The following OR10W1 variants were observed in gnomAD, a reference collection of about 807,000 sequenced individuals.
OR10W1 encodes olfactory receptor family 10 subfamily W member 1, also known as olfactory receptor 10W1.
For missense variants in OR10W1, 406 were observed against 365.8 expected, an observed-to-expected ratio of 1.11 and a Z score of -0.90; for synonymous variants, 152 against 151.6, an observed-to-expected ratio of 1.00 and a Z score of -0.02.
Position 58,268,211 on chromosome 11 carries a change from C to A in OR10W1, c.-353G>T, listed in dbSNP as rs1853568223. 4.1e-6 allele frequency: 1 copy of A among 241,210 alleles called. No homozygotes were observed. Among genetic ancestry groups the A allele is most frequent in the Non-Finnish European group, 8.8e-6 (1 of 113,452 alleles). 14.9% of individuals were successfully genotyped at this position (241,210 alleles called of 1,614,324 possible). ...AAATTCAATTCTTTCAGCAAATTCA[C>A]AAGAAAGTGTCAAGGAATTCTTGGG... On this transcript the variant is annotated 5_prime_UTR_variant, in exon 1 of 1. Transcript: ENST00000395079.
chr11:58,266,835 C>T lies in OR10W1; in HGVS notation c.*106G>A. ...TAAACAGTATCCATATAATTTATAC[C>T]ATCTTTTAGATGAGTTTTAACACCA... On this transcript the variant is annotated 3_prime_UTR_variant, in exon 1 of 1. Transcript: ENST00000395079. The T allele has an allele frequency of 2.4e-6, 2 of 841,098 alleles. No homozygotes were observed. Among genetic ancestry groups the T allele is most frequent in the South Asian group, 2.1e-5 (1 of 46,766 alleles). 52.1% of individuals were successfully genotyped at this position (841,098 alleles called of 1,614,324 possible).
In OR10W1 at chr11:58,267,454, C is replaced by A; in HGVS notation, c.405G>T (p.Leu135Phe). ...LLMTLTLCVH[L>F]VVASVISGLF... ...GACCACTGATGACTGATGCCACAAC[C>A]AAGTGGACACAAAGAGTCAATGTCA... Residue 135 changes from leucine (L) to phenylalanine (F), a missense_variant, in exon 1 of 1, where the codon TTG (leucine) becomes TTT (phenylalanine). By Grantham distance (22) the Leu-to-Phe change is conservative (BLOSUM62 0). Coordinates refer to ENST00000395079, the MANE Select transcript of OR10W1 (RefSeq NM_207374.3). 1 of 1,613,878 alleles carries A rather than the reference C, an allele frequency of 6.2e-7. No individual in the cohort carries two copies. The highest frequency in any genetic ancestry group is 1.3e-5 in the African/African-American group (1 of 75,052).
In OR10W1 at chr11:58,268,089, G is replaced by C. The variant is rs1162744105; in HGVS notation, c.-231C>G. 1.9e-6 allele frequency: 1 copy of C among 516,128 alleles called. No individual in the cohort carries two copies. Among genetic ancestry groups the C allele is most frequent in the East Asian group, 3.1e-5 (1 of 32,120 alleles). The allele number at this position is 516,128 out of a possible 1,614,324, so 32.0% of individuals were successfully genotyped here. Reference sequence around the variant, plus strand: ...AATATCTACACCTCAATTTCTACCTGCCAAGAGTTGGGCCAAACTATGTAA... The same window carrying C: ...AATATCTACACCTCAATTTCTACCTCCCAAGAGTTGGGCCAAACTATGTAA... On this transcript the variant is annotated 5_prime_UTR_variant, in exon 1 of 1. Coordinates refer to ENST00000395079, the MANE Select transcript of OR10W1 (RefSeq NM_207374.3).
chr11:58,267,921 T>A lies in OR10W1; in HGVS notation c.-63A>T. On this transcript the variant is annotated 5_prime_UTR_variant, in exon 1 of 1. Transcript: ENST00000395079. ...GTATTTCTCTGTGGAGAGCTACAAG[T>A]ACAGAAGGAAGAATCAGACTGAAGA... The A allele has an allele frequency of 8.4e-7, 1 of 1,192,646 alleles. No homozygotes were observed. Among genetic ancestry groups the A allele is most frequent in the Non-Finnish European group, 1.2e-6 (1 of 819,762 alleles). 73.9% of individuals were successfully genotyped at this position (1,192,646 alleles called of 1,614,324 possible).
Position 58,266,920 on chromosome 11 carries a change from T to C in OR10W1, c.*21A>G. ...GGGCTGGAACCAAATACTTGCCTGA[T>C]AGGCTGTCCCCTCGTCTTTCCTAGC... is the stretch of plus-strand genomic sequence containing the variant. On this transcript the variant is annotated 3_prime_UTR_variant, in exon 1 of 1. Transcript: ENST00000395079. The C allele has an allele frequency of 6.6e-7, 1 of 1,512,778 alleles. No homozygotes were observed. The allele number at this position is 1,512,778 out of a possible 1,614,324, so 93.7% of individuals were successfully genotyped here.
At position 58,266,961 on chromosome 11, in the gene OR10W1, A is replaced by C; in HGVS notation, c.898T>G (p.Cys300Gly). 6.4e-7 allele frequency: 1 copy of C among 1,556,348 alleles called. No individual in the cohort carries two copies. The highest frequency in any genetic ancestry group is 8.7e-7 in the Non-Finnish European group (1 of 1,147,830). ...CTTTCCTAGCTGTTCTGGGAAAGGC[A>C]GTTCCTGGTAAGAACTCTCCCTACG... ...GAVGRVLTRNCLSQNS is the reference protein window; with the variant it reads ...GAVGRVLTRNGLSQNS Residue 300 changes from cysteine to glycine, a missense_variant, in exon 1 of 1, where the codon TGC becomes GGC. Transcript: ENST00000395079.
chr11:58,267,574 G>A lies in OR10W1; in HGVS notation c.285C>T (p.Phe95=), dbSNP rs766876330. The change falls in exon 1 of 1, where the codon TTC becomes TTT. Residue 95 remains phenylalanine (F), a synonymous_variant. Coordinates refer to ENST00000395079, the MANE Select transcript of OR10W1 (RefSeq NM_207374.3). ...AGCAATCAGCACTGCCCAGTGCAAT[G>A]AAGAAAGCCATCTGGGTGGCACAGC... ...LLGCATQMAF[F]IALGSADCFL... 3 of 1,614,194 alleles carry A rather than the reference G, an allele frequency of 1.9e-6. No homozygotes were observed. The East Asian group carries it at 6.7e-5, about 36-fold the overall frequency.
At position 58,267,862 on chromosome 11, in the gene OR10W1, C is replaced by T. The variant is rs1853564662; in HGVS notation, c.-4G>A. ...AGGCCAGGAACACAAATTCCATCAA[C>T]ACTGAGTGATTTTCCCAGGTAATTG... On this transcript the variant is annotated 5_prime_UTR_variant, in exon 1 of 1. Coordinates refer to ENST00000395079, the MANE Select transcript of OR10W1 (RefSeq NM_207374.3). 1.2e-6 allele frequency: 2 copies of T among 1,606,568 alleles called. No individual in the cohort carries two copies. Among genetic ancestry groups the T allele is most frequent in the Non-Finnish European group, 8.5e-7 (1 of 1,174,554 alleles).
Position 58,267,890 on chromosome 11 carries a change from C to A in OR10W1, c.-32G>T. On this transcript the variant is annotated 5_prime_UTR_variant, in exon 1 of 1. Transcript: ENST00000395079. ...TGAGTGATTTTCCCAGGTAATTGAG[C>A]TAACAGTATTTCTCTGTGGAGAGCT... 6.6e-7 allele frequency: 1 copy of A among 1,513,060 alleles called. No individual in the cohort carries two copies. Among genetic ancestry groups the A allele is most frequent in the Admixed American group, 1.7e-5 (1 of 59,028 alleles). 93.7% of individuals were successfully genotyped at this position (1,513,060 alleles called of 1,614,324 possible).
chr11:58,267,981 G>A lies in OR10W1; in HGVS notation c.-123C>T, dbSNP rs1853566233. On this transcript the variant is annotated 5_prime_UTR_variant, in exon 1 of 1. Transcript: ENST00000395079. Reference sequence around the variant, plus strand: ...TTACACTCTGAGCCATGAATCTAATGTAATCAGCACTGGAGTTAGAAACTG... The same window carrying A: ...TTACACTCTGAGCCATGAATCTAATATAATCAGCACTGGAGTTAGAAACTG... 1 of 712,988 alleles carries A rather than the reference G, an allele frequency of 1.4e-6. No individual in the cohort carries two copies. Among genetic ancestry groups the A allele is most frequent in the South Asian group, 1.8e-5 (1 of 54,638 alleles). 44.2% of individuals were successfully genotyped at this position (712,988 alleles called of 1,614,324 possible).
rs200494001 is a variant in OR10W1 at position 58,267,844 on chromosome 11, G to A, written c.15C>T (p.Phe5=). 5 of 1,612,826 alleles carry A rather than the reference G, an allele frequency of 3.1e-6. No homozygotes were observed. In the African/African-American group the frequency reaches 5.3e-5, roughly 17 times the overall value. MEFV[F]LAYPSCPELH... ...GTTCTGGGCAGGAGGGATAGGCCAG[G>A]AACACAAATTCCATCAACACTGAGT... Residue 5 remains phenylalanine, a synonymous_variant, in exon 1 of 1, where the codon TTC becomes TTT. Transcript: ENST00000395079.
In OR10W1 at chr11:58,267,245, A is replaced by T; in HGVS notation, c.614T>A (p.Ile205Asn). Residue 205 changes from isoleucine (I) to asparagine (N), a missense_variant, in exon 1 of 1, where the codon ATC (isoleucine) becomes AAC (asparagine). By Grantham distance (149) the Ile-to-Asn change is moderately radical. Transcript: ENST00000395079. ...CACTATGAAGGTGTAGGAGGTGGTG[A>T]TGAGGAAGAAAGGCACAGCAATGGC... Reference protein sequence around the residue: ...ILAIAVPFFLITTSYTFIVAA... With the variant: ...ILAIAVPFFLNTTSYTFIVAA... 6.2e-7 allele frequency: 1 copy of T among 1,614,178 alleles called. No homozygotes were observed.
rs1853566019 is a variant in OR10W1, at chr11:58,267,959, C to T, written c.-101G>A. 5 of 816,256 alleles carry T rather than the reference C, an allele frequency of 6.1e-6. No individual in the cohort carries two copies. The highest frequency in any genetic ancestry group is 3.4e-5 in the African/African-American group (2 of 58,080). The allele number at this position is 816,256 out of a possible 1,614,324, so 50.6% of individuals were successfully genotyped here. A position where few individuals can be genotyped will look rare whatever the true frequency, so the allele number is the denominator to read the frequency against. On this transcript the variant is annotated 5_prime_UTR_variant, in exon 1 of 1. Transcript: ENST00000395079. The stretch of plus-strand genomic sequence containing the variant: ...ATCAGACTGAAGATAAATTAAGTTA[C>T]ACTCTGAGCCATGAATCTAATGTAA...
In OR10W1 at chr11:58,267,249, G is replaced by A; in HGVS notation, c.610C>T (p.Leu204Phe). ...AILAIAVPFF[L>F]ITTSYTFIVA... ...ATGAAGGTGTAGGAGGTGGTGATGAGGAAGAAAGGCACAGCAATGGCTAGT... is the reference window on the plus strand; with the variant it reads ...ATGAAGGTGTAGGAGGTGGTGATGAAGAAGAAAGGCACAGCAATGGCTAGT... Residue 204 changes from leucine (L) to phenylalanine (F), a missense_variant, in exon 1 of 1, where the codon CTC (leucine) becomes TTC (phenylalanine). Physicochemically the swap from Leu to Phe is conservative, Grantham distance 22 (BLOSUM62 0). Coordinates refer to ENST00000395079, the MANE Select transcript of OR10W1 (RefSeq NM_207374.3). The A allele has an allele frequency of 6.2e-7, 1 of 1,614,196 alleles. No individual in the cohort carries two copies. Among genetic ancestry groups the A allele is most frequent in the East Asian group, 2.2e-5 (1 of 44,872 alleles).
rs200368241 is a variant in OR10W1, at chr11:58,267,499, C to T, written c.360G>A (p.Pro120=). 1.0e-4 allele frequency: 162 copies of T among 1,614,100 alleles called. 1 individual carries two copies. The highest frequency in any genetic ancestry group is 2.8e-4 in the African/African-American group (21 of 75,048). ...AYDRYVAICH[P]LQYPLLMTLT... ...ATGTCATGAGGAGAGGGTACTGCAA[C>T]GGGTGGCAAATGGCCACATAGCGGT... The change falls in exon 1 of 1, where the codon CCG becomes CCA. Residue 120 remains proline (P), a synonymous_variant. Coordinates refer to ENST00000395079, the MANE Select transcript of OR10W1 (RefSeq NM_207374.3).
chr11:58,267,379 G>A lies in OR10W1; in HGVS notation c.480C>T (p.Cys160=). The part of the protein sequence containing the change: ...LVAFIFSLPF[C]QAQGIEHFFC... ...AGAAGTGCTCAATGCCCTGAGCCTGGCAGAATGGCAGAGAGAAGATGAAGG... is the reference window on the plus strand; with the variant it reads ...AGAAGTGCTCAATGCCCTGAGCCTGACAGAATGGCAGAGAGAAGATGAAGG... Residue 160 remains cysteine (C), a synonymous_variant, in exon 1 of 1, where the codon TGC becomes TGT. Coordinates refer to ENST00000395079, the MANE Select transcript of OR10W1 (RefSeq NM_207374.3). The A allele has an allele frequency of 6.2e-7, 1 of 1,613,752 alleles. No individual in the cohort carries two copies. Among genetic ancestry groups the A allele is most frequent in the Non-Finnish European group, 8.5e-7 (1 of 1,179,848 alleles).
In OR10W1 at chr11:58,267,299, T is replaced by C; in HGVS notation, c.560A>G (p.Glu187Gly). 6.2e-7 allele frequency: 1 copy of C among 1,614,108 alleles called. No individual in the cohort carries two copies. ...TATGGCTGCCACCAGCACTGACTGC[T>C]CATGAATGTGACTCTGAGCACAAAC... ...HVVCAQSHIH[E>G]QSVLVAAILA... Residue 187 changes from glutamate to glycine, a missense_variant, in exon 1 of 1, where the codon GAG becomes GGG. Transcript: ENST00000395079.
In OR10W1 at chr11:58,267,433, A is replaced by T. The variant is rs1315440181; in HGVS notation, c.426T>A (p.Ser142Arg). The change falls in exon 1 of 1, where the codon AGT (serine) becomes AGA (arginine). Residue 142 changes from serine to arginine, a missense_variant. Transcript: ENST00000395079. ...CCAGTTGTAAGGACAGGAACAGACC[A>T]CTGATGACTGATGCCACAACCAAGT... is the stretch of plus-strand genomic sequence containing the variant. ...CVHLVVASVI[S>R]GLFLSLQLVA... 5 of 1,613,860 alleles carry T rather than the reference A, an allele frequency of 3.1e-6. No individual in the cohort carries two copies. Among genetic ancestry groups the T allele is most frequent in the Non-Finnish European group, 4.2e-6 (5 of 1,179,890 alleles).
In OR10W1 at chr11:58,266,946, T is replaced by C. The variant is rs757262944; in HGVS notation, c.913A>G (p.Ser305Gly). The change falls in exon 1 of 1, where the codon AGC becomes GGC. Residue 305 changes from serine (S) to glycine (G), a missense_variant. Coordinates refer to ENST00000395079, the MANE Select transcript of OR10W1 (RefSeq NM_207374.3). ...VLTRNCLSQN[S>G] ...AGGCTGTCCCCTCGTCTTTCCTAGCTGTTCTGGGAAAGGCAGTTCCTGGTA... is the reference window on the plus strand; with the variant it reads ...AGGCTGTCCCCTCGTCTTTCCTAGCCGTTCTGGGAAAGGCAGTTCCTGGTA... The C allele has an allele frequency of 7.2e-5, 110 of 1,537,360 alleles. 1 individual carries two copies. Among genetic ancestry groups the C allele is most frequent in the Non-Finnish European group, 7.4e-5 (84 of 1,139,484 alleles).
Sources: allele counts gnomAD v4.1 joint callset, GRCh38; gene constraint gnomAD v4.1.1; transcripts MANE v1.5; gene names NCBI Gene and HGNC (gene_info 2026-07-23, HGNC 2026-07-21).